CACNA1C: variants seen among roughly 807,000 people sequenced by gnomAD.
CACNA1C encodes the protein calcium voltage-gated channel subunit alpha1 C.
CACNA1C carries 30 observed loss-of-function variants against 229.0 expected under a neutral mutation model. The observed-to-expected ratio is 0.13, with a 90% confidence interval of 0.10 to 0.18. The LOEUF is 0.18. Among genes scored for constraint, CACNA1C ranks in the 10% least tolerant of loss-of-function variants. The pLI, the probability that CACNA1C is intolerant of heterozygous loss-of-function variation, is 1.00. For missense variants in CACNA1C, 1,658 were observed against 2,845.0 expected (o/e 0.58, Z 9.49); for synonymous variants, 1,114 against 1,132.5 (o/e 0.98, Z 0.33).
intron 3 of CACNA1C, among the ~76,000 whole-genome samples, chr12:2,429,195 T>C (rs2099060283): frequency 6.6e-6 from 1 of 152,160 alleles, no homozygotes; most frequent in African/African-American, 2.4e-5. Flanking sequence ...ATCAACATAT[T>C]GGATTAGGGG....
intron 3 of CACNA1C, among the ~76,000 whole-genome samples, chr12:2,144,584 AACTC>A (rs1377942322): frequency 2.0e-5 from 3 of 151,342 alleles, no homozygotes; most frequent in Non-Finnish European, 4.4e-5. Flanking sequence ...ATTCATTTAT[AACTC>A]ACCTCTAAAA....
chr12:2,001,473 A>G (rs2042180789), intron 1 of CACNA1C, among the ~76,000 whole-genome samples: 1 of 152,242 alleles, frequency 6.6e-6, no homozygotes, highest in African/African-American at 2.4e-5. Context: ...AATGGAATAT[A>G]AAATAGTGCT....
chr12:2,167,552 A>G (rs2096289087), intron 3 of CACNA1C, among the ~76,000 whole-genome samples: 1 of 152,182 alleles, frequency 6.6e-6, no homozygotes, highest in Non-Finnish European at 1.5e-5. Flanking sequence ...TATCTCCTCC[A>G]TGGGGGGCAG....
rs1377860792 is a variant in CACNA1C, at chr12:2,689,863, A to G, written c.6118-1037A>G. On this transcript the variant is annotated intron_variant, in intron 46 of 46. Coordinates refer to ENST00000399655, the MANE Select transcript of CACNA1C (RefSeq NM_000719.7). The surrounding 1 kb of genome is among the most constrained non-coding windows in gnomAD (Gnocchi z 4.2). Reference sequence around the variant, plus strand: ...AGACAGATAATAAACACATACATATATAACACATCAGGAAGGTCAGGAGTG... The same window carrying G: ...AGACAGATAATAAACACATACATATGTAACACATCAGGAAGGTCAGGAGTG... The G allele has an allele frequency of 6.6e-6, 1 of 152,282 alleles. No individual in the cohort carries two copies. The highest frequency in any genetic ancestry group is 1.5e-5 in the Non-Finnish European group (1 of 68,120). The allele number at this position is 152,282 out of a possible 1,614,324, so 9.4% of individuals were successfully genotyped here.
At chr12:2,069,605 G>A (rs956367175) in intron 1 of CACNA1C, among the ~76,000 whole-genome samples, 8 of 152,134 alleles carry the variant, frequency 5.3e-5, no homozygotes, top group Non-Finnish European at 1.2e-4. Context: ...CATTTTGTTC[G>A]AACCATTTAA....
At chr12:2,097,350 G>T (rs897594331) in intron 1 of CACNA1C, among the ~76,000 whole-genome samples, 1 of 151,856 alleles carries the variant, frequency 6.6e-6, no homozygotes, top group East Asian at 1.9e-4. Context: ...GTTTCACCAT[G>T]TTAGCCAGGA....
rs919565384 is a variant in CACNA1C, at chr12:2,629,180, G to A, written c.3829-5117G>A. Among the ~76,000 whole-genome samples, 14 of 152,200 alleles carry A rather than the reference G, an allele frequency of 9.2e-5. 1 individual carries two copies. Among genetic ancestry groups the A allele is most frequent in the Admixed American group, 9.2e-4 (14 of 15,282 alleles). ...GATTCTTGAAATTGCACTTGAAGGTGTAATGAGGTGGAAGCCTCTGGACTC... is the reference window on the plus strand; with the variant it reads ...GATTCTTGAAATTGCACTTGAAGGTATAATGAGGTGGAAGCCTCTGGACTC... On this transcript the variant is annotated intron_variant, in intron 29 of 46. Transcript: ENST00000399655.
chr12:2,383,015 T>C (rs185199578), intron 3 of CACNA1C, among the ~76,000 whole-genome samples: 3 of 152,260 alleles, frequency 2.0e-5, no homozygotes, highest in Admixed American at 1.3e-4. Context: ...TGTTCCCTAA[T>C]GCACTCTAGA....
At chr12:2,120,234 T>A (rs953059858) in intron 2 of CACNA1C, 91 bp from the exon 3 acceptor site, 8 of 787,322 alleles carry the variant, frequency 1.0e-5, no homozygotes, top group Non-Finnish European at 1.8e-5. Flanking sequence ...AAAATTCTTA[T>A]GAATCTTTGA....
At chr12:2,325,723 T>C (rs1310106034) in intron 3 of CACNA1C, among the ~76,000 whole-genome samples, 6 of 152,262 alleles carry the variant, frequency 3.9e-5, no homozygotes, top group African/African-American at 1.4e-4. Context: ...CTTCAAGTCA[T>C]GTAATAGCCA....
At chr12:2,227,744 G>A (rs551091111) in intron 3 of CACNA1C, among the ~76,000 whole-genome samples, 2 of 152,168 alleles carry the variant, frequency 1.3e-5, no homozygotes, top group South Asian at 4.1e-4. Flanking sequence ...CCTAAGACAT[G>A]TTTTCCCCTA....
intron 3 of CACNA1C, among the ~76,000 whole-genome samples, chr12:2,446,799 C>G (rs942938268): frequency 6.9e-6 from 1 of 145,612 alleles, no homozygotes; most frequent in African/African-American, 2.6e-5. Context: ...TGGGTGAGTG[C>G]ATGAAAAGAT....
chr12:2,201,688 A>G (rs2097582236), intron 3 of CACNA1C, among the ~76,000 whole-genome samples: 1 of 152,222 alleles, frequency 6.6e-6, no homozygotes, highest in Non-Finnish European at 1.5e-5. Context: ...GACCCTAACA[A>G]CAAGTTACTG....
chr12:2,374,112 A>G (rs2097952461), intron 3 of CACNA1C, among the ~76,000 whole-genome samples: 1 of 152,102 alleles, frequency 6.6e-6, no homozygotes. Context: ...CCGCCCCACA[A>G]CTAGTAGACA....
intron 34 of CACNA1C, among the ~76,000 whole-genome samples, chr12:2,658,023 G>T (rs1180519898): frequency 6.6e-6 from 1 of 151,856 alleles, no homozygotes; most frequent in African/African-American, 2.4e-5. Flanking sequence ...CACAGTGGAA[G>T]ATTTAATACA....
At chr12:2,656,065 AT>A (rs2095405270) in intron 34 of CACNA1C, among the ~76,000 whole-genome samples, 1 of 152,210 alleles carries the variant, frequency 6.6e-6, no homozygotes, top group Non-Finnish European at 1.5e-5. Context: ...CACCACTTCT[AT>A]TCAACATAAT....
chr12:2,625,104 C>T lies in CACNA1C; in HGVS notation c.3829-9193C>T, dbSNP rs2085603696. Among the ~76,000 whole-genome samples the T allele has an allele frequency of 2.0e-5, 3 of 152,290 alleles. No homozygotes were observed. The South Asian group carries it at 6.2e-4, about 32-fold the overall frequency. ...AGGACCTTCCCCCGCTCCCCCCGCC[C>T]CCCATGGCTCTGCACTCAGGGATTT... is the stretch of plus-strand genomic sequence containing the variant. On this transcript the variant is annotated intron_variant, in intron 29 of 46. Coordinates refer to ENST00000399655, the MANE Select transcript of CACNA1C (RefSeq NM_000719.7).
intron 43 of CACNA1C, among the ~76,000 whole-genome samples, chr12:2,684,356 C>G (rs2097334641): frequency 6.6e-6 from 1 of 152,142 alleles, no homozygotes; most frequent in Non-Finnish European, 1.5e-5. Context: ...CTCAGTGAAA[C>G]ACGGTCAATA....
chr12:2,393,067 C>T (rs1444511083), intron 3 of CACNA1C, among the ~76,000 whole-genome samples: 2 of 152,196 alleles, frequency 1.3e-5, no homozygotes, highest in Non-Finnish European at 2.9e-5. Context: ...AGCCAGACCT[C>T]ACCCTGGGAG....
Sources: allele counts gnomAD v4.1 joint callset (sites outside exome capture counted in the v4.1 genomes callset), GRCh38; gene constraint gnomAD v4.1.1; non-coding constraint Gnocchi (gnomAD v3.1); transcripts MANE v1.5; gene names NCBI Gene and HGNC (gene_info 2026-07-23, HGNC 2026-07-21).